PIK3R6: variants seen among roughly 807,000 people sequenced by gnomAD.
PIK3R6 encodes phosphoinositide-3-kinase regulatory subunit 6, also known as phosphoinositide 3-kinase regulatory subunit 6.
A neutral mutation model predicts 84.9 loss-of-function variants in PIK3R6; 91 were observed. That is an observed-to-expected ratio of 1.07 (90% CI 0.90 to 1.28). PIK3R6 has a LOEUF of 1.28. Among genes scored for constraint, PIK3R6 ranks in the 50% most tolerant of loss-of-function variants. PIK3R6 has a pLI of 0.00. For synonymous variants in PIK3R6, 416 were observed against 411.4 expected, an observed-to-expected ratio of 1.01 and a Z score of -0.13; for missense variants, 996 against 985.1, an observed-to-expected ratio of 1.01 and a Z score of -0.15.
chr17:8,854,272 C>T (rs1367606579), intron 1 of PIK3R6, among the ~76,000 whole-genome samples: 1 of 152,024 alleles, frequency 6.6e-6, no homozygotes, highest in African/African-American at 2.4e-5. Flanking sequence ...CTTCAGCCTC[C>T]CAGGTAGCTG....
At chr17:8,832,830 G>A in intron 9 of PIK3R6, 59 bp downstream of exon 9, 1 of 1,608,056 alleles carries the variant, frequency 6.2e-7, no homozygotes, top group South Asian at 1.1e-5. Context: ...GCCCCCTGCT[G>A]TGCAGTGAGC....
At chr17:8,804,252 G>A in intron 18 of PIK3R6, 99 bp from the exon 19 acceptor site, 2 of 959,698 alleles carry the variant, frequency 2.1e-6, no homozygotes, top group Non-Finnish European at 3.3e-6. Context: ...CTTCAGTCCA[G>A]CACATGGGGT....
At chr17:8,808,103 A>G (rs1163589926) in intron 18 of PIK3R6, among the ~76,000 whole-genome samples, 2 of 152,162 alleles carry the variant, frequency 1.3e-5, no homozygotes, top group African/African-American at 4.8e-5. Flanking sequence ...AAGAGGAGGC[A>G]CCAGGGATGA....
Position 8,827,175 on chromosome 17 carries a change from C to T in PIK3R6, c.1512G>A (p.Glu504=). ...TGGTACCCTCACCCTCCCCTACCATCTCAGCCAGCTTGTGGATGGCGGGGC... is the reference window on the plus strand; with the variant it reads ...TGGTACCCTCACCCTCCCCTACCATTTCAGCCAGCTTGTGGATGGCGGGGC... ...TLCPAIHKLA[E]MPPSLDTSRT... The change falls in exon 13 of 20, where the codon GAG becomes GAA. Residue 504 remains glutamate (E), a synonymous_variant. Transcript: ENST00000619866. 3 of 1,612,842 alleles carry T rather than the reference C, an allele frequency of 1.9e-6. No individual in the cohort carries two copies. The highest frequency in any genetic ancestry group is 2.5e-6 in the Non-Finnish European group (3 of 1,179,400).
intron 1 of PIK3R6, among the ~76,000 whole-genome samples, chr17:8,865,614 T>C (rs1311376014): frequency 6.6e-6 from 1 of 151,844 alleles, no homozygotes; most frequent in East Asian, 1.9e-4. Context: ...CTGTGTTTTT[T>C]TTTTTTTTGG....
At chr17:8,806,979 G>T (rs1342777761) in intron 18 of PIK3R6, among the ~76,000 whole-genome samples, 3 of 152,212 alleles carry the variant, frequency 2.0e-5, no homozygotes, top group African/African-American at 7.2e-5. Context: ...TCCCTGTAGG[G>T]ATAAAAGGGA....
At chr17:8,849,658 G>A in intron 2 of PIK3R6, 124 bp downstream of exon 2, 2 of 1,098,394 alleles carry the variant, frequency 1.8e-6, no homozygotes, top group South Asian at 5.2e-5. Flanking sequence ...TCCCTGAATT[G>A]GGGTCTTGCA....
chr17:8,831,062 C>T lies in PIK3R6; in HGVS notation c.803-1270G>A, dbSNP rs1275757154. Among the ~76,000 whole-genome samples, 8 of 147,966 alleles carry T rather than the reference C, an allele frequency of 5.4e-5. 1 individual carries two copies. In the Middle Eastern group the frequency reaches 0.011, roughly 201 times the overall value. On this transcript the variant is annotated intron_variant, in intron 9 of 19. Coordinates refer to ENST00000619866, the MANE Select transcript of PIK3R6 (RefSeq NM_001010855.4). ...TCGGGAGGCTGAGGCAGGAGAATGG[C>T]GTGAACCCAGGAGGCAGAGCTTGCA...
At chr17:8,829,854 C>T in intron 9 of PIK3R6, 62 bp from the exon 10 acceptor site, 1 of 1,314,850 alleles carries the variant, frequency 7.6e-7, no homozygotes, top group South Asian at 1.3e-5. Context: ...CTCTGCCCTC[C>T]CCATCCTGCC....
At chr17:8,826,789 T>A (rs1597395334) in intron 13 of PIK3R6, among the ~76,000 whole-genome samples, 1 of 151,746 alleles carries the variant, frequency 6.6e-6, no homozygotes, top group African/African-American at 2.4e-5. Context: ...GAACGTGAAG[T>A]AAAATAAAAA....
intron 7 of PIK3R6, among the ~76,000 whole-genome samples, chr17:8,835,986 C>G (rs907298130): frequency 1.3e-5 from 2 of 152,168 alleles, no homozygotes; most frequent in South Asian, 4.1e-4. Flanking sequence ...ACCCCAAACT[C>G]AAGCTGTGCC....
At position 8,828,908 on chromosome 17, in the gene PIK3R6, G is replaced by C. The variant is rs754193147; in HGVS notation, c.972C>G (p.Leu324=). ...ADLEVLDLQG[L]RPDRELARVS... ...CCCGGGCCAACTCCCGGTCCGGCCG[G>C]AGGCCCTGCAGATCCAAGACCTCCA... Residue 324 remains leucine, a synonymous_variant, in exon 11 of 20, where the codon CTC becomes CTG. Coordinates refer to ENST00000619866, the MANE Select transcript of PIK3R6 (RefSeq NM_001010855.4). 48 of 1,548,524 alleles carry C rather than the reference G, an allele frequency of 3.1e-5. No homozygotes were observed. Among genetic ancestry groups the C allele is most frequent in the Non-Finnish European group, 4.0e-5 (46 of 1,148,090 alleles).
chr17:8,845,278 A>G (rs964989106), intron 2 of PIK3R6, among the ~76,000 whole-genome samples: 1 of 152,192 alleles, frequency 6.6e-6, no homozygotes, highest in Non-Finnish European at 1.5e-5. Context: ...GAACTAGTTT[A>G]CATTCTCACC....
At chr17:8,837,930 G>T in intron 4 of PIK3R6, 59 bp from the exon 5 acceptor site, 1 of 1,483,812 alleles carries the variant, frequency 6.7e-7, no homozygotes, top group Admixed American at 1.7e-5. Flanking sequence ...ACTTCATAGC[G>T]GGAGGCAGTC....
intron 13 of PIK3R6, among the ~76,000 whole-genome samples, chr17:8,824,867 T>C (rs2087867359): frequency 6.6e-6 from 1 of 152,084 alleles, no homozygotes; most frequent in African/African-American, 2.4e-5. Flanking sequence ...CTTATTCGAA[T>C]AAAATATGTA....
At chr17:8,848,562 C>CATATCTAACATATCTGTGTG (rs2088866333) in intron 2 of PIK3R6, among the ~76,000 whole-genome samples, 1 of 151,492 alleles carries the variant, frequency 6.6e-6, no homozygotes, top group Middle Eastern at 3.2e-3. Flanking sequence ...ATCTGTGTGT[C>CATATCTAACATATCTGTGTG]TAAACATATC....
At chr17:8,822,809 C>A (rs1365625285) in intron 15 of PIK3R6, among the ~76,000 whole-genome samples, 152 bp from the exon 16 acceptor site, 1 of 151,726 alleles carries the variant, frequency 6.6e-6, no homozygotes, top group African/African-American at 2.4e-5. Flanking sequence ...GGCCAGGATG[C>A]CTTTCAGTCT....
At chr17:8,837,997 C>T (rs1307519233) in intron 4 of PIK3R6, 126 bp from the exon 5 acceptor site, 11 of 763,192 alleles carry the variant, frequency 1.4e-5, no homozygotes, top group Non-Finnish European at 2.1e-5. Flanking sequence ...GAGCAAAGGG[C>T]CATTGTCTGC....
intron 10 of PIK3R6, among the ~76,000 whole-genome samples, 189 bp downstream of exon 10, chr17:8,829,517 T>TACACACACACACACACACACACACAC (rs10608111): frequency 8.1e-6 from 1 of 122,762 alleles, no homozygotes; most frequent in Non-Finnish European, 1.8e-5. Context: ...CACTCATGCA[T>TACACACACACACACACACACACACAC]ACACACACAC....
Sources: gnomAD v4.1 joint callset for allele counts (sites outside exome capture counted in the v4.1 genomes callset) on GRCh38, gnomAD v4.1.1 for gene constraint, MANE v1.5 for transcripts, NCBI Gene and HGNC (gene_info 2026-07-23, HGNC 2026-07-21) for gene names.